The following COL12A1 variants were observed in gnomAD, a reference collection of about 807,000 sequenced individuals.
The protein encoded by COL12A1 is collagen type XII alpha 1 chain, also known as collagen alpha-1(XII) chain.
In COL12A1, 114 loss-of-function variants were observed where a neutral mutation model predicts 349.7. That is an observed-to-expected ratio of 0.33 (90% CI 0.28 to 0.38). The LOEUF is 0.38. Ranked by LOEUF, COL12A1 falls within the 10% of genes least tolerant of loss-of-function variation. The probability of loss-of-function intolerance (pLI) is 1.00; values close to 1 mark genes in which losing one functional copy is unlikely to be tolerated. For missense variants in COL12A1, 3,284 were observed against 3,756.9 expected (o/e 0.87, Z 3.29); for synonymous variants, 1,369 against 1,329.0 (o/e 1.03, Z -0.66).
chr6:75,138,933 C>G lies in COL12A1; in HGVS notation c.4986G>C (p.Lys1662Asn). ...AACCCTCTGATGTTACTTCAGTAAT[C>G]TTTAAGTTTGTTGGGGCTGGCACGG... The part of the protein sequence containing the change: ...TRPVPAPTNL[K>N]ITEVTSEGFR... Residue 1662 changes from lysine (K) to asparagine (N), a missense_variant, in exon 28 of 66, where the codon AAG (lysine) becomes AAC (asparagine). Transcript: ENST00000322507. 2 of 1,614,000 alleles carry G rather than the reference C, an allele frequency of 1.2e-6. No homozygotes were observed. The highest frequency in any genetic ancestry group is 1.7e-6 in the Non-Finnish European group (2 of 1,179,908).
At chr6:75,118,381 T>C (rs1043963390) in intron 46 of COL12A1, among the ~76,000 whole-genome samples, 6 of 152,246 alleles carry the variant, frequency 3.9e-5, no homozygotes, top group Non-Finnish European at 8.8e-5. Flanking sequence ...GTAATTACTT[T>C]ATAATTTACT....
Position 75,117,286 on chromosome 6 carries a change from GCA to G in COL12A1, c.7519+94_7519+95del, listed in dbSNP as rs371021431. ...AAGTGATTTCCCAGGATCTATTTAT[GCA>G]CAGACTTGATCCCACAAAGGATATA... On this transcript the variant is annotated intron_variant, in intron 47 of 65. Coordinates refer to ENST00000322507, the MANE Select transcript of COL12A1 (RefSeq NM_004370.6). 6.2e-5 allele frequency: 77 copies of G among 1,243,452 alleles called. 1 individual carries two copies. The East Asian group carries it at 6.9e-4, about 11-fold the overall frequency. The allele number at this position is 1,243,452 out of a possible 1,614,324, so 77.0% of individuals were successfully genotyped here. A position where few individuals can be genotyped will look rare whatever the true frequency, so the allele number is the denominator to read the frequency against.
At position 75,147,866 on chromosome 6, in the gene COL12A1, T is replaced by C. The variant is rs1767282479; in HGVS notation, c.4288-62A>G. On this transcript the variant is annotated intron_variant, in intron 22 of 65. Transcript: ENST00000322507. The stretch of plus-strand genomic sequence containing the variant: ...ATAATCAGTTCCCTTTTTCCTACTA[T>C]ACTTACAAAGTAGTTAACTGCAGTG... 7 of 1,561,038 alleles carry C rather than the reference T, an allele frequency of 4.5e-6. No individual in the cohort carries two copies. In the East Asian group the frequency reaches 6.9e-5, roughly 15 times the overall value.
At chr6:75,191,835 T>G (rs1419685218) in intron 4 of COL12A1, 75 bp from the exon 5 acceptor site, 2 of 923,824 alleles carry the variant, frequency 2.2e-6, no homozygotes, top group Non-Finnish European at 3.0e-6. Context: ...ATAAATATAT[T>G]ATATTAGTTT....
intron 9 of COL12A1, 37 bp from the exon 10 acceptor site, chr6:75,183,689 A>T (rs1235836459): frequency 1.9e-6 from 3 of 1,556,656 alleles, no homozygotes; most frequent in Admixed American, 4.2e-5. Flanking sequence ...ACTTCAATAC[A>T]TATTAATCAT....
At position 75,124,112 on chromosome 6, in the gene COL12A1, G is replaced by A. The variant is rs776201248; in HGVS notation, c.6725-18C>T. ...CCTTGTTCCTGATTATGACAACAAAGGAAAATGCCAGTGTCATCACCAATT... is the reference window on the plus strand; with the variant it reads ...CCTTGTTCCTGATTATGACAACAAAAGAAAATGCCAGTGTCATCACCAATT... On this transcript the variant is annotated intron_variant, in intron 41 of 65. Coordinates refer to ENST00000322507, the MANE Select transcript of COL12A1 (RefSeq NM_004370.6). The A allele has an allele frequency of 6.2e-7, 1 of 1,607,832 alleles. No homozygotes were observed. The highest frequency in any genetic ancestry group is 8.5e-7 in the Non-Finnish European group (1 of 1,175,482).
Position 75,084,491 on chromosome 6 carries a change from T to C in COL12A1, c.*2056A>G, listed in dbSNP as rs1390671475. The stretch of plus-strand genomic sequence containing the variant: ...CTTTTGATAACTAAGAAATATTATA[T>C]TCTGAAAAAAGTTCATACTAAATAT... On this transcript the variant is annotated 3_prime_UTR_variant, in exon 66 of 66. Coordinates refer to ENST00000322507, the MANE Select transcript of COL12A1 (RefSeq NM_004370.6). The C allele has an allele frequency of 1.3e-5, 2 of 152,674 alleles. No individual in the cohort carries two copies. The highest frequency in any genetic ancestry group is 2.4e-5 in the African/African-American group (1 of 41,458). 9.5% of individuals were successfully genotyped at this position (152,674 alleles called of 1,614,324 possible). A position where few individuals can be genotyped will look rare whatever the true frequency, so the allele number is the denominator to read the frequency against.
intron 13 of COL12A1, among the ~76,000 whole-genome samples, chr6:75,167,294 T>C (rs1768358852): frequency 1.3e-5 from 2 of 152,164 alleles, no homozygotes; most frequent in South Asian, 4.1e-4. Flanking sequence ...AAGTTTTAAA[T>C]GTACAGCACG....
At chr6:75,086,994 T>C (rs1325631896) in intron 65 of COL12A1, among the ~76,000 whole-genome samples, 2 of 152,150 alleles carry the variant, frequency 1.3e-5, no homozygotes, top group African/African-American at 2.4e-5. Context: ...TTGGCATATC[T>C]ACCCAGTCCT....
chr6:75,113,822 C>T, intron 49 of COL12A1, 78 bp from the exon 50 acceptor site: 1 of 1,091,144 alleles, frequency 9.2e-7, no homozygotes, highest in Non-Finnish European at 1.3e-6. Context: ...ATTGCTTTAA[C>T]ATCAAGAACA....
At position 75,097,254 on chromosome 6, in the gene COL12A1, G is replaced by A; in HGVS notation, c.8576C>T (p.Pro2859Leu). The A allele has an allele frequency of 6.2e-7, 1 of 1,613,406 alleles. No homozygotes were observed. Among genetic ancestry groups the A allele is most frequent in the African/African-American group, 1.3e-5 (1 of 75,012 alleles). Residue 2859 changes from proline to leucine, a missense_variant and splice_region_variant, in exon 59 of 66, where the codon CCG (proline) becomes CTG (leucine). Physicochemically the swap from Pro to Leu is moderately conservative, Grantham distance 98. This residue lies in a region of COL12A1 where 683 missense variants were observed against 932.1 expected (regional missense o/e 0.73). Coordinates refer to ENST00000322507, the MANE Select transcript of COL12A1 (RefSeq NM_004370.6). ...AAATGAGACACATTTAGTTCTTACCGGCGGCCCTGGTGGGCCCCTGGGTCC... is the reference window on the plus strand; with the variant it reads ...AAATGAGACACATTTAGTTCTTACCAGCGGCCCTGGTGGGCCCCTGGGTCC... The part of the protein sequence containing the change: ...AMGPRGPPGP[P>L]GSPGSPGVTG...
At chr6:75,111,619 GT>G (rs1768843780) in intron 51 of COL12A1, among the ~76,000 whole-genome samples, 1 of 151,772 alleles carries the variant, frequency 6.6e-6, no homozygotes, top group African/African-American at 2.4e-5. Flanking sequence ...TCAAATGTAA[GT>G]TTCACTGAGC....
chr6:75,165,876 A>G (rs1768271330), intron 13 of COL12A1, 97 bp from the exon 14 acceptor site: 1 of 1,212,258 alleles, frequency 8.2e-7, no homozygotes, highest in Admixed American at 2.5e-5. Context: ...GACTTGCTGG[A>G]CTCACACTCA....
At position 75,189,282 on chromosome 6, in the gene COL12A1, G is replaced by T. The variant is rs1376876667; in HGVS notation, c.758C>A (p.Ser253Tyr). 7 of 1,612,896 alleles carry T rather than the reference G, an allele frequency of 4.3e-6. No homozygotes were observed. The highest frequency in any genetic ancestry group is 5.9e-6 in the Non-Finnish European group (7 of 1,179,436). The stretch of plus-strand genomic sequence containing the variant: ...TGCTGGAATTTCCACTTCATCCTGG[G>T]ATTTTCCATCCGTAATAATAATTGC... ...KVAIIITDGKSQDEVEIPARE... is the reference protein window; with the variant it reads ...KVAIIITDGKYQDEVEIPARE... Residue 253 changes from serine to tyrosine, a missense_variant, in exon 7 of 66, where the codon TCC becomes TAC. Around this residue, in one of 2 missense-constraint regions of COL12A1, gnomAD observed 2,601 missense variants for 2,824.8 expected, o/e 0.92. Coordinates refer to ENST00000322507, the MANE Select transcript of COL12A1 (RefSeq NM_004370.6).
chr6:75,180,070 A>C (rs1224628054), intron 11 of COL12A1, among the ~76,000 whole-genome samples: 3 of 152,216 alleles, frequency 2.0e-5, no homozygotes, highest in Non-Finnish European at 4.4e-5. Flanking sequence ...CTGAGGCAAA[A>C]GAATCATTTG....
chr6:75,189,111 C>A, intron 7 of COL12A1, 106 bp downstream of exon 7: 1 of 1,218,084 alleles, frequency 8.2e-7, no homozygotes, highest in Admixed American at 2.7e-5. Context: ...ATGCAGTAAA[C>A]ACTTCTAATA....
In COL12A1 at chr6:75,198,112, C is replaced by T. The variant is rs1323579668; in HGVS notation, c.74-3165G>A. Among the ~76,000 whole-genome samples the T allele has an allele frequency of 3.3e-5, 5 of 152,292 alleles. No homozygotes were observed. The East Asian group carries it at 7.7e-4, about 23-fold the overall frequency. On this transcript the variant is annotated intron_variant, in intron 2 of 65. Coordinates refer to ENST00000322507, the MANE Select transcript of COL12A1 (RefSeq NM_004370.6). ...TGGATTACATGGTCTGACTACAAAA[C>T]ATACAGTTTTCTACTGTACTAGATT... is the stretch of plus-strand genomic sequence containing the variant.
chr6:75,193,016 G>A (rs144521660), intron 3 of COL12A1, among the ~76,000 whole-genome samples: 19 of 152,242 alleles, frequency 1.2e-4, no homozygotes, highest in African/African-American at 4.3e-4. Context: ...GAAACCTGGT[G>A]GTTCCTGGGA....
intron 26 of COL12A1, 126 bp from the exon 27 acceptor site, chr6:75,142,287 A>G: frequency 4.5e-6 from 5 of 1,120,384 alleles, no homozygotes; most frequent in Non-Finnish European, 6.4e-6. Context: ...AGTGTTTTCC[A>G]ATATACATGA....
Sources: gnomAD v4.1 joint callset for allele counts (sites outside exome capture counted in the v4.1 genomes callset) on GRCh38, gnomAD v4.1.1 for gene constraint, gnomAD v4.1.1 regional missense constraint, MANE v1.5 for transcripts, NCBI Gene and HGNC (gene_info 2026-07-23, HGNC 2026-07-21) for gene names.